MXD3: variants seen among roughly 807,000 people sequenced by gnomAD.
MXD3 encodes the protein MAX dimerization protein 3.
MXD3 carries 20 observed loss-of-function variants against 27.5 expected under a neutral mutation model. The ratio of observed to expected loss-of-function variants is 0.73; its 90% CI spans 0.51 to 1.06. The LOEUF is 1.06. Among genes scored for constraint, MXD3 ranks in the 50% least tolerant of loss-of-function variants. MXD3 has a pLI of 0.00. For synonymous variants in MXD3, 150 were observed against 130.7 expected, an observed-to-expected ratio of 1.15 and a Z score of -1.01; for missense variants, 298 against 291.3, an observed-to-expected ratio of 1.02 and a Z score of -0.17.
chr5:177,310,335 C>T, intron 4 of MXD3, 91 bp downstream of exon 4: 1 of 956,970 alleles, frequency 1.0e-6, no homozygotes. Flanking sequence ...GCTCTGACCT[C>T]AGGTCTCGTT....
chr5:177,311,380 G>A lies in MXD3; in HGVS notation c.175C>T (p.Arg59Trp). 9.2e-7 allele frequency: 1 copy of A among 1,091,444 alleles called. No individual in the cohort carries two copies. The highest frequency in any genetic ancestry group is 1.7e-5 in the South Asian group (1 of 58,558). The allele number at this position is 1,091,444 out of a possible 1,614,324, so 67.6% of individuals were successfully genotyped here. Residue 59 changes from arginine (R) to tryptophan (W), a missense_variant and splice_region_variant, in exon 2 of 6, where the codon CGG becomes TGG. By Grantham distance (101) the Arg-to-Trp change is moderately radical. Coordinates refer to ENST00000439742, the MANE Select transcript of MXD3 (RefSeq NM_031300.4). ...TCCCGCCGCCCCCGGCCTCCTCACC[G>A]CCCGCTGTCCTGCGCGCCAGGAGCC... The part of the protein sequence containing the change: ...PQAPGAQDSG[R>W]SVHNELEKRR...
chr5:177,310,167 A>C (rs1760999012), intron 4 of MXD3, among the ~76,000 whole-genome samples: 2 of 152,352 alleles, frequency 1.3e-5, no homozygotes, highest in South Asian at 4.1e-4. Context: ...CACAGCTGTG[A>C]TCTAAGTGAT....
downstream of MXD3, chr5:177,306,355 T>C (rs773752233): frequency 4.4e-6 from 7 of 1,607,634 alleles, no homozygotes; most frequent in South Asian, 6.6e-5. Flanking sequence ...ATTGGTGTCA[T>C]GGGGGAGGGA....
At chr5:177,312,171 C>T, upstream of MXD3, 5 of 1,029,716 alleles carry the variant, frequency 4.9e-6, no homozygotes, top group Non-Finnish European at 5.8e-6. Context: ...GGCTCATTGG[C>T]GTCTTTGATC....
At chr5:177,308,429 G>C (rs1467204765) in intron 4 of MXD3, among the ~76,000 whole-genome samples, 1 of 151,882 alleles carries the variant, frequency 6.6e-6, no homozygotes, top group African/African-American at 2.4e-5. Context: ...CTGGAGTGCA[G>C]TGGCACAATC....
intron 1 of MXD3, 65 bp downstream of exon 1, chr5:177,311,696 A>T: frequency 6.6e-7 from 1 of 1,516,264 alleles, no homozygotes; most frequent in Non-Finnish European, 9.0e-7. Context: ...GCTGGGAGCC[A>T]GGTCCAGTCC....
chr5:177,311,919 C>T (rs1033300017), upstream of MXD3: 3 of 1,465,928 alleles, frequency 2.0e-6, no homozygotes, highest in African/African-American at 2.9e-5. Context: ...TGACACGGTG[C>T]AACAAACACA....
downstream of MXD3, chr5:177,306,747 G>A (rs1216096420): frequency 7.4e-6 from 8 of 1,082,708 alleles, no homozygotes; most frequent in Non-Finnish European, 1.0e-5. Context: ...GTCTGAGCCA[G>A]GTCTGCTTAT....
In MXD3 at chr5:177,310,667, C is replaced by T; in HGVS notation, c.206+1G>A. The T allele has an allele frequency of 6.2e-7, 1 of 1,614,188 alleles. No individual in the cohort carries two copies. Among genetic ancestry groups the T allele is most frequent in the Non-Finnish European group, 8.5e-7 (1 of 1,180,020 alleles). On this transcript the variant is annotated splice_donor_variant, in intron 3 of 5. Coordinates refer to ENST00000439742, the MANE Select transcript of MXD3 (RefSeq NM_031300.4). LOFTEE classifies it high-confidence loss of function. ...GCTGTCAGGGCAGGACTGGGACTCA[C>T]CTGCGCTTCTCCAGTTCATTGTGCA...
intron 4 of MXD3, among the ~76,000 whole-genome samples, chr5:177,308,536 C>A (rs1760953219): frequency 6.6e-6 from 1 of 152,066 alleles, no homozygotes; most frequent in Non-Finnish European, 1.5e-5. Flanking sequence ...CCATGCCCAG[C>A]TAATTTTTGT....
At chr5:177,306,242 T>G (rs1435796038), downstream of MXD3, 13 of 1,574,990 alleles carry the variant, frequency 8.3e-6, no homozygotes, top group Non-Finnish European at 9.6e-6. Flanking sequence ...GGGCGTGGAG[T>G]CTGGGTTAGT....
At chr5:177,306,855 G>A, downstream of MXD3, 1 of 724,132 alleles carries the variant, frequency 1.4e-6, no homozygotes, top group Admixed American at 3.0e-5. Flanking sequence ...GTGCTAGACT[G>A]TAAGCCCGAC....
In MXD3 at chr5:177,307,760, CCT is replaced by C; in HGVS notation, c.505+19_505+20del. The C allele has an allele frequency of 6.2e-7, 1 of 1,613,106 alleles. No individual in the cohort carries two copies. The highest frequency in any genetic ancestry group is 8.5e-7 in the Non-Finnish European group (1 of 1,179,770). On this transcript the variant is annotated intron_variant, in intron 5 of 5. Coordinates refer to ENST00000439742, the MANE Select transcript of MXD3 (RefSeq NM_031300.4). ...GGCTCGCCCCGAGGGCCACACAACC[CCT>C]CAGCCTCGGGGCACTCACCTTGGTC...
downstream of MXD3, chr5:177,307,057 G>A: frequency 2.7e-6 from 4 of 1,455,646 alleles, no homozygotes; most frequent in South Asian, 1.5e-5. Context: ...CATCCGTGAA[G>A]TGGAGACAGA....
upstream of MXD3, chr5:177,312,457 GT>G (rs1328396907): frequency 2.0e-6 from 2 of 985,426 alleles, no homozygotes; most frequent in African/African-American, 3.5e-5. Context: ...AAAGAAGCAG[GT>G]TTCAAATTTG....
Position 177,311,832 on chromosome 5 carries a change from T to G in MXD3, c.-2A>C. The G allele has an allele frequency of 6.2e-7, 1 of 1,611,194 alleles. No homozygotes were observed. Among genetic ancestry groups the G allele is most frequent in the Non-Finnish European group, 8.5e-7 (1 of 1,178,600 alleles). ...GATGTTGCTGGCCAAGGGTTCCATG[T>G]CGGCGACAGCTGGCGGCGGGCCGGC... On this transcript the variant is annotated 5_prime_UTR_variant, in exon 1 of 6. Coordinates refer to ENST00000439742, the MANE Select transcript of MXD3 (RefSeq NM_031300.4).
rs1427539798 is a variant in MXD3 at position 177,307,473 on chromosome 5, T to C, written c.*115A>G. Reference sequence around the variant, plus strand: ...GCACCTGTTCCCACACAAGGGTCCTTTTAGTCCATTCCAACAGGTGACTCC... The same window carrying C: ...GCACCTGTTCCCACACAAGGGTCCTCTTAGTCCATTCCAACAGGTGACTCC... On this transcript the variant is annotated 3_prime_UTR_variant, in exon 6 of 6. Transcript: ENST00000439742. The C allele has an allele frequency of 3.3e-6, 5 of 1,537,438 alleles. No homozygotes were observed. The highest frequency in any genetic ancestry group is 4.4e-6 in the Non-Finnish European group (5 of 1,143,484).
intron 4 of MXD3, among the ~76,000 whole-genome samples, chr5:177,309,451 C>T (rs1040162324): frequency 1.3e-5 from 2 of 152,180 alleles, no homozygotes; most frequent in Admixed American, 6.5e-5. Flanking sequence ...ATCATCCATC[C>T]GAGAACCAGG....
upstream of MXD3, chr5:177,312,562 G>C: frequency 1.0e-6 from 1 of 985,454 alleles, no homozygotes; most frequent in Non-Finnish European, 1.2e-6. Flanking sequence ...CTGCCCTCCG[G>C]GGTCTGTCCC....
Sources: gnomAD v4.1 joint callset for allele counts (sites outside exome capture counted in the v4.1 genomes callset) on GRCh38, gnomAD v4.1.1 for gene constraint, MANE v1.5 for transcripts, NCBI Gene and HGNC (gene_info 2026-07-23, HGNC 2026-07-21) for gene names.